GRID1: variants seen among roughly 807,000 people sequenced by gnomAD.
GRID1 encodes glutamate ionotropic receptor delta type subunit 1.
Under a neutral mutation model 98.0 loss-of-function variants are expected in GRID1, and 28 were observed. The observed-to-expected ratio is 0.29, with a 90% confidence interval of 0.21 to 0.39. The LOEUF (loss-of-function observed/expected upper bound fraction) is 0.39, where lower values mean the gene tolerates loss of function less well. Among genes scored for constraint, GRID1 ranks in the 10% least tolerant of loss-of-function variants. The probability of loss-of-function intolerance (pLI) is 1.00; values close to 1 mark genes in which losing one functional copy is unlikely to be tolerated. For synonymous variants in GRID1, 553 were observed against 538.5 expected, an observed-to-expected ratio of 1.03 and a Z score of -0.37; for missense variants, 1,111 against 1,340.5, an observed-to-expected ratio of 0.83 and a Z score of 2.67.
rs776684319 is a variant in GRID1, at chr10:85,854,592, C to T, written c.1137G>A (p.Gly379=). 6 of 1,613,842 alleles carry T rather than the reference C, an allele frequency of 3.7e-6. No individual in the cohort carries two copies. The East Asian group carries it at 1.1e-4, about 30-fold the overall frequency. ...IKKGHITGLT[G]VMEFREDSSN... The stretch of plus-strand genomic sequence containing the variant: ...AACTGTCCTCCCGAAACTCCATCAC[C>T]CCAGTGAGGCCAGTGATGTGGCCCT... The change falls in exon 8 of 16, where the codon GGG becomes GGA. Residue 379 remains glycine, a synonymous_variant. Coordinates refer to ENST00000327946, the MANE Select transcript of GRID1 (RefSeq NM_017551.3).
At chr10:85,679,755 T>C (rs1159862291) in intron 12 of GRID1, among the ~76,000 whole-genome samples, 1 of 152,044 alleles carries the variant, frequency 6.6e-6, no homozygotes, top group East Asian at 1.9e-4. Flanking sequence ...AAGAAGCTAG[T>C]GATAAAACCA....
At chr10:85,704,182 TAA>T (rs1192406152) in intron 12 of GRID1, among the ~76,000 whole-genome samples, 1 of 152,048 alleles carries the variant, frequency 6.6e-6, no homozygotes, top group Non-Finnish European at 1.5e-5. Context: ...GCAAATTGGA[TAA>T]AGAGTCAAGA....
At chr10:85,992,470 G>A (rs1289816084) in intron 4 of GRID1, among the ~76,000 whole-genome samples, 1 of 152,042 alleles carries the variant, frequency 6.6e-6, no homozygotes, top group Admixed American at 6.6e-5. Context: ...TGAAGATAAG[G>A]GTTTTGTGAA....
chr10:86,171,087 C>T (rs1266709566), intron 3 of GRID1, among the ~76,000 whole-genome samples: 1 of 152,192 alleles, frequency 6.6e-6, no homozygotes, highest in Non-Finnish European at 1.5e-5. Context: ...CTACCCTATA[C>T]CAGTTACATC....
chr10:86,269,243 G>C (rs1044448109), intron 2 of GRID1, among the ~76,000 whole-genome samples: 5 of 152,176 alleles, frequency 3.3e-5, no homozygotes, highest in African/African-American at 4.8e-5. Flanking sequence ...TTAGCTCCAA[G>C]ATGCCTGGAG....
At chr10:86,359,997 T>G (rs1042490971) in intron 2 of GRID1, among the ~76,000 whole-genome samples, 1 of 152,220 alleles carries the variant, frequency 6.6e-6, no homozygotes, top group Admixed American at 6.5e-5. Context: ...ATCCATTGTT[T>G]TCCATACATT....
At chr10:85,688,781 A>G (rs749561990) in intron 12 of GRID1, among the ~76,000 whole-genome samples, 1 of 152,160 alleles carries the variant, frequency 6.6e-6, no homozygotes, top group Non-Finnish European at 1.5e-5. Context: ...CTCAGTGTTG[A>G]ACAAGTTGAG....
chr10:85,820,186 A>G (rs1842757019), intron 8 of GRID1, among the ~76,000 whole-genome samples: 1 of 151,994 alleles, frequency 6.6e-6, no homozygotes, highest in Non-Finnish European at 1.5e-5. Flanking sequence ...AAGAAAAGAA[A>G]ACTTCTGATA....
rs1843250866 is a variant in GRID1 at position 85,869,061 on chromosome 10, G to T, written c.900C>A (p.Arg300=). ...DNQKCTRNNH[R]ISSLLCDPQE... ...GGGGGTCGCAGAGCAGGGAGGAGAT[G>T]CGGTGGTTGTTCCTCGTGCATTTCT... The change falls in exon 6 of 16, where the codon CGC becomes CGA. Residue 300 remains arginine (R), a synonymous_variant. Transcript: ENST00000327946. 1 of 1,613,896 alleles carries T rather than the reference G, an allele frequency of 6.2e-7. No homozygotes were observed. The highest frequency in any genetic ancestry group is 1.1e-5 in the South Asian group (1 of 91,072).
At chr10:86,239,562 C>T (rs928469817) in intron 2 of GRID1, among the ~76,000 whole-genome samples, 5 of 152,048 alleles carry the variant, frequency 3.3e-5, no homozygotes, top group African/African-American at 1.2e-4. Flanking sequence ...AATTATAATC[C>T]CCGTGTTGGA....
In GRID1 at chr10:85,820,141, C is replaced by CAGAAAGAAAGAAAGAAAGAAAGAA. The variant is rs71016112; in HGVS notation, c.1233+34331_1233+34354dup. On this transcript the variant is annotated intron_variant, in intron 8 of 15. Transcript: ENST00000327946. ...AAGAAAGAAGGGAGAAAGAAAGAAA[C>CAGAAAGAAAGAAAGAAAGAAAGAA]AGAAAGAAAGAAAGAAAGAAAGAAA... 1.6e-3 allele frequency among the ~76,000 whole-genome samples: 186 copies of CAGAAAGAAAGAAAGAAAGAAAGAA among 114,790 alleles called. 5 individuals carry two copies. Among genetic ancestry groups the CAGAAAGAAAGAAAGAAAGAAAGAA allele is most frequent in the African/African-American group, 6.4e-3 (172 of 27,030 alleles). The allele number at this position is 114,790 out of a possible 152,430, so 75.3% of individuals were successfully genotyped here.
chr10:86,118,101 G>A (rs1418484502), intron 4 of GRID1, among the ~76,000 whole-genome samples: 1 of 152,048 alleles, frequency 6.6e-6, no homozygotes, highest in African/African-American at 2.4e-5. Flanking sequence ...GAGACAGATA[G>A]ATAGATATAT....
In GRID1 at chr10:86,198,292, T is replaced by C. The variant is rs533297999; in HGVS notation, c.520+8072A>G. Among the ~76,000 whole-genome samples the C allele has an allele frequency of 3.9e-4, 60 of 152,138 alleles. 3 individuals carry two copies. Among genetic ancestry groups the C allele is most frequent in the South Asian group, 2.5e-3 (12 of 4,822 alleles). On this transcript the variant is annotated intron_variant, in intron 3 of 15. Transcript: ENST00000327946. ...AAGCCTTGGCAGCTCAGCTCCTCCATAGGGCAAGGTGTGTAACCTGCAGGT... is the reference window on the plus strand; with the variant it reads ...AAGCCTTGGCAGCTCAGCTCCTCCACAGGGCAAGGTGTGTAACCTGCAGGT...
At chr10:86,077,074 T>G (rs561513856) in intron 4 of GRID1, among the ~76,000 whole-genome samples, 7 of 137,470 alleles carry the variant, frequency 5.1e-5, no homozygotes, top group Admixed American at 3.7e-4. Flanking sequence ...ACAATTCAAC[T>G]CATACTGAGT....
intron 14 of GRID1, among the ~76,000 whole-genome samples, chr10:85,619,105 A>G (rs993132340): frequency 6.6e-5 from 10 of 152,204 alleles, no homozygotes; most frequent in Non-Finnish European, 1.3e-4. Flanking sequence ...CCCTTCACCC[A>G]GCAAAATGCC....
At chr10:85,731,968 G>A (rs1462726379) in intron 8 of GRID1, among the ~76,000 whole-genome samples, 2 of 151,552 alleles carry the variant, frequency 1.3e-5, no homozygotes, top group Non-Finnish European at 2.9e-5. Flanking sequence ...AAAGGAAAAA[G>A]GAAAGGAAAG....
intron 6 of GRID1, among the ~76,000 whole-genome samples, chr10:85,865,033 G>A (rs972326258): frequency 2.6e-5 from 4 of 152,200 alleles, no homozygotes; most frequent in African/African-American, 7.2e-5. Flanking sequence ...CAGAGACAGA[G>A]TACGTTACAG....
intron 2 of GRID1, among the ~76,000 whole-genome samples, chr10:86,354,348 C>T (rs1457760581): frequency 1.3e-5 from 2 of 152,218 alleles, no homozygotes; most frequent in Non-Finnish European, 2.9e-5. Context: ...TTGGCAGGGT[C>T]CCAGGAGGAT....
chr10:85,975,309 G>T (rs1214059151), intron 4 of GRID1, among the ~76,000 whole-genome samples: 2 of 152,180 alleles, frequency 1.3e-5, no homozygotes, highest in Non-Finnish European at 2.9e-5. Flanking sequence ...TTGCTGAGGT[G>T]CAGGGTGGAC....
Sources: allele counts gnomAD v4.1 joint callset (sites outside exome capture counted in the v4.1 genomes callset), GRCh38; gene constraint gnomAD v4.1.1; transcripts MANE v1.5; gene names NCBI Gene and HGNC (gene_info 2026-07-23, HGNC 2026-07-21).